Variants in TPRG1 observed in about 807,000 individuals in gnomAD.
TPRG1 encodes the protein tumor protein p63-regulated gene 1 protein.
A neutral mutation model predicts 29.3 loss-of-function variants in TPRG1; 29 were observed. The observed-to-expected ratio is 0.99, with a 90% CI of 0.74 to 1.35. The LOEUF is 1.35. Among genes scored for constraint, TPRG1 ranks in the 40% most tolerant of loss-of-function variants. TPRG1 has a pLI of 0.00. For missense variants in TPRG1, 327 were observed against 335.0 expected (o/e 0.98, Z 0.19); for synonymous variants, 130 against 116.8 (o/e 1.11, Z -0.73).
chr3:189,024,110 A>T (rs1368232800), intron 4 of TPRG1, among the ~76,000 whole-genome samples: 1 of 152,258 alleles, frequency 6.6e-6, no homozygotes, highest in Admixed American at 6.5e-5. Flanking sequence ...ACGTCTAAAC[A>T]GCAAAGGTGG....
chr3:189,241,968 C>A (rs1252883378), intron 4 of TPRG1, among the ~76,000 whole-genome samples: 3 of 152,036 alleles, frequency 2.0e-5, no homozygotes, highest in African/African-American at 7.2e-5. Context: ...TATCAAATTT[C>A]TCATTCTTTC....
At chr3:189,063,691 T>A (rs1392598165) in intron 4 of TPRG1, among the ~76,000 whole-genome samples, 1 of 152,108 alleles carries the variant, frequency 6.6e-6, no homozygotes, top group Non-Finnish European at 1.5e-5. Context: ...CAAAGGACAT[T>A]TAATACATAT....
At chr3:189,189,200 A>T (rs1276635614) in intron 1 of TPRG1, among the ~76,000 whole-genome samples, 1 of 152,148 alleles carries the variant, frequency 6.6e-6, no homozygotes, top group Non-Finnish European at 1.5e-5. Flanking sequence ...ATTTTCGTGG[A>T]TAACCTTGTA....
At chr3:189,092,342 G>A (rs116541007) in intron 4 of TPRG1, among the ~76,000 whole-genome samples, 2,071 of 152,054 alleles carry the variant, frequency 0.014, 46 homozygotes, top group African/African-American at 0.045. Flanking sequence ...TTGCTGGTCT[G>A]TGGACCACAC....
chr3:189,048,992 G>T (rs1479303025), intron 4 of TPRG1, among the ~76,000 whole-genome samples: 1 of 152,158 alleles, frequency 6.6e-6, no homozygotes, highest in East Asian at 1.9e-4. Flanking sequence ...TTGAGAGCTC[G>T]CTTGGTCCCC....
intron 4 of TPRG1, among the ~76,000 whole-genome samples, chr3:189,256,412 G>A (rs1036763622): frequency 6.6e-6 from 1 of 152,180 alleles, no homozygotes; most frequent in African/African-American, 2.4e-5. Flanking sequence ...GCTGAGGAGT[G>A]TTGTTTTTCC....
intron 1 of TPRG1, among the ~76,000 whole-genome samples, chr3:189,179,286 G>T (rs556449262): frequency 6.6e-6 from 1 of 152,240 alleles, no homozygotes; most frequent in African/African-American, 2.4e-5. Flanking sequence ...AGCAGGCATG[G>T]ACATATTATT....
At chr3:189,015,743 C>G (rs1712897217) in intron 3 of TPRG1, among the ~76,000 whole-genome samples, 1 of 152,152 alleles carries the variant, frequency 6.6e-6, no homozygotes, top group Non-Finnish European at 1.5e-5. Context: ...GGGTGCAAGC[C>G]CCCCAGACCT....
intron 2 of TPRG1, among the ~76,000 whole-genome samples, chr3:189,214,809 A>G (rs1159383876): frequency 2.0e-5 from 3 of 152,122 alleles, no homozygotes; most frequent in Non-Finnish European, 4.4e-5. Flanking sequence ...ATAAGTAGTA[A>G]CACCTGTTTG....
intron 3 of TPRG1, among the ~76,000 whole-genome samples, chr3:189,019,613 G>A (rs1266534507): frequency 1.3e-5 from 2 of 152,176 alleles, no homozygotes; most frequent in Admixed American, 6.5e-5. Flanking sequence ...GCTTTTTGAT[G>A]TGCTGCTGGA....
At chr3:189,313,021 C>G (rs1051754711) in intron 5 of TPRG1, 1 of 150,650 alleles carries the variant, frequency 6.6e-6, no homozygotes, top group African/African-American at 2.5e-5. Context: ...AGGCTTTTCT[C>G]CTTAAATTAT....
intron 4 of TPRG1, among the ~76,000 whole-genome samples, chr3:189,264,047 A>T (rs1184651746): frequency 6.6e-6 from 1 of 152,312 alleles, no homozygotes; most frequent in East Asian, 1.9e-4. Flanking sequence ...TAGAAATGCC[A>T]TATGAAGTCT....
chr3:189,297,519 G>T (rs1720151045), intron 4 of TPRG1, among the ~76,000 whole-genome samples: 1 of 152,038 alleles, frequency 6.6e-6, no homozygotes, highest in Non-Finnish European at 1.5e-5. Context: ...CTTAGGTGGG[G>T]TTAGGATCAC....
intron 1 of TPRG1, among the ~76,000 whole-genome samples, chr3:189,103,579 A>G (rs1408806224): frequency 6.6e-6 from 1 of 152,174 alleles, no homozygotes; most frequent in Non-Finnish European, 1.5e-5. Flanking sequence ...ATGTTTTTTA[A>G]TCTTTTGGCT....
chr3:189,138,534 C>T (rs535912416), intron 3 of TPRG1, among the ~76,000 whole-genome samples: 1 of 152,120 alleles, frequency 6.6e-6, no homozygotes, highest in South Asian at 2.1e-4. Flanking sequence ...TTTCTCCTCC[C>T]CTTAGTTCCT....
intron 1 of TPRG1, among the ~76,000 whole-genome samples, chr3:189,104,763 T>A (rs1719615227): frequency 6.6e-6 from 1 of 152,044 alleles, no homozygotes; most frequent in Non-Finnish European, 1.5e-5. Context: ...TGCATTTTCT[T>A]GGATGTGCCT....
intron 5 of TPRG1, among the ~76,000 whole-genome samples, chr3:189,161,370 A>G (rs775797151): frequency 2.0e-4 from 30 of 152,338 alleles, no homozygotes; most frequent in Middle Eastern, 3.4e-3. Flanking sequence ...TTCTTCTGCC[A>G]TAAATGGAGA....
At chr3:189,197,351 G>T (rs763566102) in intron 1 of TPRG1, among the ~76,000 whole-genome samples, 15 of 152,088 alleles carry the variant, frequency 9.9e-5, no homozygotes, top group South Asian at 2.1e-4. Flanking sequence ...CACATCTTTA[G>T]CCTTGCGTGT....
At chr3:189,174,847 TTACTC>T (rs1729273428) in intron 1 of TPRG1, among the ~76,000 whole-genome samples, 1 of 152,180 alleles carries the variant, frequency 6.6e-6, no homozygotes, top group South Asian at 2.1e-4. Context: ...GTAATCCTCT[TTACTC>T]AATCGATCAA....
Sources: allele counts gnomAD v4.1 joint callset (sites outside exome capture counted in the v4.1 genomes callset), GRCh38; gene constraint gnomAD v4.1.1; transcripts MANE v1.5; gene names NCBI Gene and HGNC (gene_info 2026-07-23, HGNC 2026-07-21).